Variants in SMG7 observed in about 807,000 individuals in gnomAD.
SMG7 encodes nonsense-mediated mRNA decay factor SMG7.
A neutral mutation model predicts 148.2 loss-of-function variants in SMG7; 34 were observed. The ratio of observed to expected loss-of-function variants is 0.23; its 90% CI spans 0.17 to 0.31. The LOEUF (loss-of-function observed/expected upper bound fraction) is 0.31, where lower values mean the gene tolerates loss of function less well. SMG7 is among the 10% of genes least tolerant of loss of function. The pLI is 1.00. For missense variants in SMG7, 1,114 were observed against 1,408.4 expected (o/e 0.79, Z 3.35); for synonymous variants, 492 against 515.1 (o/e 0.96, Z 0.61).
At chr1:183,488,488 G>A (rs1450265127) in intron 1 of SMG7, among the ~76,000 whole-genome samples, 3 of 152,052 alleles carry the variant, frequency 2.0e-5, no homozygotes, top group African/African-American at 7.2e-5. Context: ...GTGCTGTCCA[G>A]TGTGGTAGCC....
chr1:183,544,308 T>C, intron 14 of SMG7, 45 bp from the exon 15 acceptor site: 1 of 1,543,808 alleles, frequency 6.5e-7, no homozygotes, highest in Non-Finnish European at 8.9e-7. Flanking sequence ...CTAGCACATT[T>C]GAGTTTCAAT....
At chr1:183,549,014 C>A (rs1670473803) in intron 18 of SMG7, 194 bp from the exon 19 acceptor site, 1 of 585,172 alleles carries the variant, frequency 1.7e-6, no homozygotes. Flanking sequence ...AAGGAGGATT[C>A]TATGCACCTG....
rs200604003 is a variant in SMG7 at position 183,542,326 on chromosome 1, G to T, written c.1666G>T (p.Val556Leu). The change falls in exon 14 of 23, where the codon GTG (valine) becomes TTG (leucine). Residue 556 changes from valine to leucine, a missense_variant. Around this residue, in one of 4 missense-constraint regions of SMG7, gnomAD observed 788 missense variants for 894.5 expected, o/e 0.88. Coordinates refer to ENST00000688051, the MANE Select transcript of SMG7 (RefSeq NM_001375584.1). ...CAAAGAAAACATTAAGACACGAGAA[G>T]TGAACAGAGACCAAGGAAGAAGTTT... is the stretch of plus-strand genomic sequence containing the variant. The part of the protein sequence containing the change: ...TFKENIKTRE[V>L]NRDQGRSFPP... 18 of 1,613,974 alleles carry T rather than the reference G, an allele frequency of 1.1e-5. No individual in the cohort carries two copies. Among genetic ancestry groups the T allele is most frequent in the Non-Finnish European group, 1.5e-5 (18 of 1,179,994 alleles).
chr1:183,487,317 C>A (rs1344127799), intron 1 of SMG7, among the ~76,000 whole-genome samples: 1 of 152,138 alleles, frequency 6.6e-6, no homozygotes, highest in Admixed American at 6.5e-5. Flanking sequence ...ATTCTACTTC[C>A]CCCACCACTC....
chr1:183,500,672 C>T (rs1241081856), intron 1 of SMG7, among the ~76,000 whole-genome samples: 1 of 152,072 alleles, frequency 6.6e-6, no homozygotes, highest in Non-Finnish European at 1.5e-5. Flanking sequence ...CTCAGCCAAA[C>T]TAAGACCTGC....
At chr1:183,524,139 AG>A (rs1373715149) in intron 4 of SMG7, among the ~76,000 whole-genome samples, 1 of 151,714 alleles carries the variant, frequency 6.6e-6, no homozygotes, top group Non-Finnish European at 1.5e-5. Context: ...GCTGGAGTGC[AG>A]TGTATATCAT....
At chr1:183,489,746 A>G (rs1287102072) in intron 1 of SMG7, among the ~76,000 whole-genome samples, 1 of 152,226 alleles carries the variant, frequency 6.6e-6, no homozygotes, top group Non-Finnish European at 1.5e-5. Flanking sequence ...AACAAGTACC[A>G]GATAGTAATA....
At chr1:183,487,778 G>A (rs1655860128) in intron 1 of SMG7, among the ~76,000 whole-genome samples, 1 of 152,248 alleles carries the variant, frequency 6.6e-6, no homozygotes, top group South Asian at 2.1e-4. Context: ...TGAATTATGT[G>A]TCTGTACACT....
At chr1:183,531,812 C>G (rs1666918537) in intron 8 of SMG7, among the ~76,000 whole-genome samples, 1 of 152,116 alleles carries the variant, frequency 6.6e-6, no homozygotes, top group African/African-American at 2.4e-5. Context: ...TTGAGAAATA[C>G]AACTACATAT....
At chr1:183,522,602 G>T (rs1481375596) in intron 4 of SMG7, among the ~76,000 whole-genome samples, 3 of 151,920 alleles carry the variant, frequency 2.0e-5, no homozygotes, top group South Asian at 2.1e-4. Flanking sequence ...ATAACTTGTG[G>T]TTTTTTCTCA....
At chr1:183,490,824 C>T (rs995060751) in intron 1 of SMG7, among the ~76,000 whole-genome samples, 5 of 152,162 alleles carry the variant, frequency 3.3e-5, no homozygotes, top group African/African-American at 1.2e-4. Context: ...CTCACTCTGT[C>T]GCCCAGGTTG....
chr1:183,548,854 T>G, intron 18 of SMG7: 1 of 238,860 alleles, frequency 4.2e-6, no homozygotes, highest in Non-Finnish European at 8.2e-6. Flanking sequence ...AGAGAAACAG[T>G]GTTGGAACAG....
At chr1:183,518,327 A>T (rs562108126) in intron 4 of SMG7, among the ~76,000 whole-genome samples, 2 of 152,308 alleles carry the variant, frequency 1.3e-5, no homozygotes, top group East Asian at 3.9e-4. Flanking sequence ...TTTAGCTTAA[A>T]GGTTGGAAGT....
chr1:183,483,378 C>T (rs1654641516), intron 1 of SMG7, among the ~76,000 whole-genome samples: 1 of 152,056 alleles, frequency 6.6e-6, no homozygotes, highest in African/African-American at 2.4e-5. Flanking sequence ...ACCAGATTAT[C>T]TTTGAGATAC....
intron 20 of SMG7, 151 bp downstream of exon 20, chr1:183,550,074 G>T (rs1260327478): frequency 8.9e-6 from 4 of 447,184 alleles, no homozygotes; most frequent in African/African-American, 2.2e-5. Context: ...AAAGGAAATA[G>T]AAAAAAAAAA....
chr1:183,507,384 A>G (rs1557989541), intron 1 of SMG7, among the ~76,000 whole-genome samples: 1 of 151,546 alleles, frequency 6.6e-6, no homozygotes, highest in East Asian at 1.9e-4. Flanking sequence ...AAACATTTCA[A>G]TTTTTTTTTC....
intron 1 of SMG7, among the ~76,000 whole-genome samples, chr1:183,484,614 G>A (rs576725039): frequency 6.6e-6 from 1 of 152,156 alleles, no homozygotes; most frequent in African/African-American, 2.4e-5. Context: ...ACAGGGAATT[G>A]TTAGCATTTC....
At chr1:183,518,360 G>T (rs1281830727) in intron 4 of SMG7, among the ~76,000 whole-genome samples, 2 of 152,190 alleles carry the variant, frequency 1.3e-5, no homozygotes, top group Admixed American at 6.5e-5. Flanking sequence ...ATATAAAAGG[G>T]ATAATTGAGC....
intron 1 of SMG7, among the ~76,000 whole-genome samples, chr1:183,501,795 A>C (rs1296018255): frequency 2.0e-5 from 3 of 152,168 alleles, no homozygotes. Flanking sequence ...GAATCGAAAA[A>C]CGTGACATTT....
Sources: gnomAD v4.1 joint callset for allele counts (sites outside exome capture counted in the v4.1 genomes callset) on GRCh38, gnomAD v4.1.1 for gene constraint, gnomAD v4.1.1 regional missense constraint, MANE v1.5 for transcripts, NCBI Gene and HGNC (gene_info 2026-07-23, HGNC 2026-07-21) for gene names.